Variants in SLC9A9 observed in about 807,000 individuals in gnomAD.
SLC9A9 encodes sodium/hydrogen exchanger 9.
Under a neutral mutation model 77.8 loss-of-function variants are expected in SLC9A9, and 62 were observed. The ratio of observed to expected loss-of-function variants is 0.80; its 90% CI spans 0.65 to 0.98. The LOEUF (loss-of-function observed/expected upper bound fraction) is 0.98, where lower values mean the gene tolerates loss of function less well. Ranked by LOEUF, SLC9A9 falls within the 50% of genes least tolerant of loss-of-function variation. The pLI, the probability that SLC9A9 is intolerant of heterozygous loss-of-function variation, is 0.00. For missense variants in SLC9A9, 775 were observed against 774.9 expected, an observed-to-expected ratio of 1.00 and a Z score of 0.00; for synonymous variants, 320 against 283.5, an observed-to-expected ratio of 1.13 and a Z score of -1.29.
intron 12 of SLC9A9, among the ~76,000 whole-genome samples, chr3:143,392,219 C>T (rs141628967): frequency 0.023 from 3,454 of 152,222 alleles, 147 homozygotes; most frequent in African/African-American, 0.078. Flanking sequence ...GGGTTACCCA[C>T]AAAGGGAAGC....
intron 2 of SLC9A9, among the ~76,000 whole-genome samples, chr3:143,817,133 A>G (rs998743333): frequency 7.6e-6 from 1 of 131,502 alleles, no homozygotes; most frequent in Non-Finnish European, 1.6e-5. Context: ...GCAAAAGTTT[A>G]TTTTTTTTTT....
intron 5 of SLC9A9, among the ~76,000 whole-genome samples, chr3:143,663,775 T>C (rs1242284483): frequency 2.0e-5 from 3 of 149,976 alleles, no homozygotes; most frequent in East Asian, 2.0e-4. Flanking sequence ...GAAAAAAGAG[T>C]AAAAAGAAAT....
intron 14 of SLC9A9, among the ~76,000 whole-genome samples, chr3:143,323,788 A>G (rs1317070078): frequency 6.6e-6 from 1 of 152,228 alleles, no homozygotes; most frequent in Non-Finnish European, 1.5e-5. Flanking sequence ...TATTTGTACA[A>G]ATAAAACCTA....
chr3:143,533,505 T>C (rs2036546714), intron 9 of SLC9A9, among the ~76,000 whole-genome samples: 1 of 152,042 alleles, frequency 6.6e-6, no homozygotes, highest in Admixed American at 6.6e-5. Context: ...CACAAAAATT[T>C]GGAAAAATGC....
intron 14 of SLC9A9, among the ~76,000 whole-genome samples, chr3:143,279,926 C>T (rs1336545815): frequency 6.6e-6 from 1 of 152,106 alleles, no homozygotes; most frequent in East Asian, 1.9e-4. Context: ...CTCAAGCAAT[C>T]CTCCCCCCTC....
chr3:143,395,792 A>G (rs894177885), intron 12 of SLC9A9, among the ~76,000 whole-genome samples: 2 of 152,266 alleles, frequency 1.3e-5, no homozygotes, highest in African/African-American at 4.8e-5. Context: ...GGCAAAGGAT[A>G]TGAACAGACA....
chr3:143,275,883 G>A (rs573565991), intron 14 of SLC9A9, among the ~76,000 whole-genome samples: 1 of 152,246 alleles, frequency 6.6e-6, no homozygotes, highest in South Asian at 2.1e-4. Flanking sequence ...ACTTTTACGT[G>A]AAATTCATTT....
At chr3:143,735,537 C>A (rs1298541677) in intron 4 of SLC9A9, among the ~76,000 whole-genome samples, 1 of 152,284 alleles carries the variant, frequency 6.6e-6, no homozygotes, top group African/African-American at 2.4e-5. Context: ...CAGTACCTGG[C>A]ATACACGAGT....
intron 6 of SLC9A9, among the ~76,000 whole-genome samples, chr3:143,652,003 C>T (rs985442607): frequency 1.3e-5 from 2 of 151,958 alleles, no homozygotes; most frequent in South Asian, 4.1e-4. Context: ...AGTGAATCAG[C>T]TAAATATATG....
At chr3:143,812,506 C>G (rs1177015026) in intron 2 of SLC9A9, among the ~76,000 whole-genome samples, 2 of 152,166 alleles carry the variant, frequency 1.3e-5, no homozygotes, top group African/African-American at 4.8e-5. Flanking sequence ...GCATGTCTGG[C>G]ATGTGTAACA....
At chr3:143,376,845 G>A (rs974698075) in intron 13 of SLC9A9, among the ~76,000 whole-genome samples, 5 of 152,092 alleles carry the variant, frequency 3.3e-5, no homozygotes, top group African/African-American at 1.2e-4. Flanking sequence ...CAATGACATT[G>A]GAATGACATA....
intron 2 of SLC9A9, among the ~76,000 whole-genome samples, chr3:143,826,535 G>A (rs1015130199): frequency 6.6e-6 from 1 of 152,048 alleles, no homozygotes; most frequent in Non-Finnish European, 1.5e-5. Context: ...CCTGTACACA[G>A]CAGGCACACT....
intron 4 of SLC9A9, among the ~76,000 whole-genome samples, chr3:143,703,658 C>T (rs1345961723): frequency 1.3e-5 from 2 of 151,518 alleles, no homozygotes; most frequent in African/African-American, 2.4e-5. Flanking sequence ...TCTTAACGAA[C>T]CAGAAAAGAA....
intron 12 of SLC9A9, among the ~76,000 whole-genome samples, chr3:143,449,800 T>TTATA (rs1203062799): frequency 2.7e-5 from 2 of 73,466 alleles, no homozygotes; most frequent in South Asian, 9.3e-4. Context: ...TATATATATT[T>TTATA]TATATATATA....
intron 4 of SLC9A9, among the ~76,000 whole-genome samples, chr3:143,704,999 C>G (rs1255818354): frequency 1.1e-5 from 1 of 87,900 alleles, no homozygotes; most frequent in Non-Finnish European, 2.4e-5. Flanking sequence ...TCTCAAATAT[C>G]TATCTATCTA....
intron 12 of SLC9A9, among the ~76,000 whole-genome samples, chr3:143,449,756 C>A: frequency 2.5e-5 from 1 of 40,356 alleles, no homozygotes; most frequent in African/African-American, 9.7e-5. Context: ...AAAAATTATA[C>A]AAGTATATAT....
In SLC9A9 at chr3:143,306,803, G is replaced by C. The variant is rs562890982; in HGVS notation, c.1605-37823C>G. ...TTCCTTAGCAGAAAATGCAACTCTA[G>C]AATATGGCAAACTCACTCCTACACT... On this transcript the variant is annotated intron_variant, in intron 14 of 15. Coordinates refer to ENST00000316549, the MANE Select transcript of SLC9A9 (RefSeq NM_173653.4). 3.3e-5 allele frequency among the ~76,000 whole-genome samples: 5 copies of C among 152,226 alleles called. No individual in the cohort carries two copies. The East Asian group carries it at 5.8e-4, about 18-fold the overall frequency.
At chr3:143,435,428 TAAG>T (rs1413081138) in intron 12 of SLC9A9, among the ~76,000 whole-genome samples, 4 of 152,196 alleles carry the variant, frequency 2.6e-5, no homozygotes, top group African/African-American at 9.7e-5. Flanking sequence ...TTTAAATACT[TAAG>T]AAAAGTAATT....
intron 6 of SLC9A9, among the ~76,000 whole-genome samples, chr3:143,601,751 TAC>T (rs1332222553): frequency 6.6e-6 from 1 of 152,262 alleles, no homozygotes; most frequent in African/African-American, 2.4e-5. Context: ...GATAAGTGGC[TAC>T]ATCAGATGAA....
Sources: allele counts gnomAD v4.1 joint callset (sites outside exome capture counted in the v4.1 genomes callset), GRCh38; gene constraint gnomAD v4.1.1; transcripts MANE v1.5; gene names NCBI Gene and HGNC (gene_info 2026-07-23, HGNC 2026-07-21).